Variants in LRP5 observed in about 807,000 individuals in gnomAD.
LRP5 encodes the protein low-density lipoprotein receptor-related protein 5.
LRP5 carries 62 observed loss-of-function variants against 154.1 expected under a neutral mutation model. The ratio of observed to expected loss-of-function variants is 0.40; its 90% CI spans 0.33 to 0.50. LRP5 has a LOEUF of 0.50. Among genes scored for constraint, LRP5 ranks in the 20% least tolerant of loss-of-function variants. The probability of loss-of-function intolerance (pLI) is 0.55; values close to 1 mark genes in which losing one functional copy is unlikely to be tolerated. For synonymous variants in LRP5, 966 were observed against 1,011.5 expected, an observed-to-expected ratio of 0.96 and a Z score of 0.85; for missense variants, 1,915 against 2,336.7, an observed-to-expected ratio of 0.82 and a Z score of 3.72.
chr11:68,414,475 G>A (rs1397490833), intron 12 of LRP5, among the ~76,000 whole-genome samples: 1 of 152,162 alleles, frequency 6.6e-6, no homozygotes, highest in Non-Finnish European at 1.5e-5. Context: ...ACTGTGGCAG[G>A]CTGGCTCAAG....
chr11:68,376,402 C>T (rs957494131), intron 5 of LRP5, among the ~76,000 whole-genome samples: 11 of 152,026 alleles, frequency 7.2e-5, no homozygotes, highest in African/African-American at 2.4e-4. Flanking sequence ...AGGATGGTCT[C>T]GATCTCCTGA....
intron 5 of LRP5, among the ~76,000 whole-genome samples, chr11:68,370,603 G>A (rs1168160156): frequency 6.6e-6 from 1 of 152,220 alleles, no homozygotes; most frequent in Non-Finnish European, 1.5e-5. Context: ...AGGGCCGCAG[G>A]GCTGAGCACG....
intron 4 of LRP5, among the ~76,000 whole-genome samples, chr11:68,365,271 G>A (rs1455564384): frequency 0.062 from 5 of 80 alleles, no homozygotes; most frequent in Non-Finnish European, 0.15. Flanking sequence ...GGAAGCAGAT[G>A]GGGAGATGTC....
At chr11:68,435,525 A>C (rs889652962) in intron 18 of LRP5, among the ~76,000 whole-genome samples, 3 of 151,780 alleles carry the variant, frequency 2.0e-5, no homozygotes, top group Admixed American at 2.0e-4. Context: ...CCTCACCTTG[A>C]GAGGAGATGC....
chr11:68,389,626 A>G (rs1427335193), intron 6 of LRP5, among the ~76,000 whole-genome samples: 1 of 150,182 alleles, frequency 6.7e-6, no homozygotes, highest in East Asian at 2.0e-4. Flanking sequence ...CGACACTGAC[A>G]TTTACTGACA....
intron 1 of LRP5, among the ~76,000 whole-genome samples, chr11:68,345,999 C>A (rs2098612597): frequency 6.6e-6 from 1 of 151,994 alleles, no homozygotes; most frequent in Admixed American, 6.6e-5. Flanking sequence ...AGTTGTTTGC[C>A]CATTTTTGAG....
At chr11:68,334,978 G>A (rs923068377) in intron 1 of LRP5, among the ~76,000 whole-genome samples, 1 of 151,806 alleles carries the variant, frequency 6.6e-6, no homozygotes, top group African/African-American at 2.4e-5. Context: ...CTGAATTATT[G>A]AATACTGAAC....
At chr11:68,327,835 C>T (rs769956468) in intron 1 of LRP5, among the ~76,000 whole-genome samples, 6 of 152,204 alleles carry the variant, frequency 3.9e-5, no homozygotes, top group African/African-American at 1.4e-4. Flanking sequence ...CAGAGCCCCT[C>T]GCACGCTGTC....
intron 2 of LRP5, among the ~76,000 whole-genome samples, chr11:68,357,092 C>T (rs191030515): frequency 5.3e-5 from 8 of 152,182 alleles, no homozygotes; most frequent in Non-Finnish European, 8.8e-5. Context: ...CTCACTACCA[C>T]GCCTGGCTAA....
rs562813626 is a variant in LRP5 at position 68,326,480 on chromosome 11, C to T, written c.91+13675C>T. Among the ~76,000 whole-genome samples the T allele has an allele frequency of 2.0e-5, 3 of 152,396 alleles. No homozygotes were observed. In the East Asian group the frequency reaches 5.8e-4, roughly 29 times the overall value. On this transcript the variant is annotated intron_variant, in intron 1 of 22. Transcript: ENST00000294304. ...GCCTGGGCACCAGGTTCTTCCCCCT[C>T]TGCCCAAGGTCCCTGCCCACCCGTC... is the stretch of plus-strand genomic sequence containing the variant.
chr11:68,313,713 G>A (rs1293851203), intron 1 of LRP5, among the ~76,000 whole-genome samples: 1 of 152,234 alleles, frequency 6.6e-6, no homozygotes, highest in African/African-American at 2.4e-5. Flanking sequence ...TGTTTTTCTG[G>A]AGTATGGCTG....
chr11:68,320,554 C>T (rs755319654), intron 1 of LRP5, among the ~76,000 whole-genome samples: 58 of 151,822 alleles, frequency 3.8e-4, no homozygotes, highest in Non-Finnish European at 7.5e-4. Context: ...CTCTGCCTCC[C>T]GGGTTCCAGC....
At chr11:68,396,282 T>G (rs555247567) in intron 7 of LRP5, among the ~76,000 whole-genome samples, 56 of 152,076 alleles carry the variant, frequency 3.7e-4, no homozygotes, top group Non-Finnish European at 6.8e-4. Flanking sequence ...GGCAACAAGG[T>G]GGCCAACCCA....
Position 68,447,813 on chromosome 11 carries a change from A to G in LRP5, c.4587-996A>G, listed in dbSNP as rs1226145601. ...GGCTCCTAAACACACCACAGTTCCG[A>G]GTCTGAACTCACACAGTGGGATGCG... On this transcript the variant is annotated intron_variant, in intron 22 of 22. Transcript: ENST00000294304. The surrounding 1 kb of genome is among the most constrained non-coding windows in gnomAD (Gnocchi z 4.3). 1.3e-5 allele frequency among the ~76,000 whole-genome samples: 2 copies of G among 152,010 alleles called. No homozygotes were observed. Among genetic ancestry groups the G allele is most frequent in the African/African-American group, 4.8e-5 (2 of 41,366 alleles).
intron 6 of LRP5, among the ~76,000 whole-genome samples, chr11:68,388,043 C>T (rs180708276): frequency 1.6e-4 from 24 of 152,022 alleles, no homozygotes; most frequent in African/African-American, 4.8e-4. Context: ...CAGCAGGCAG[C>T]GGGAGTGCAG....
At chr11:68,365,067 G>A (rs2098630188) in intron 4 of LRP5, among the ~76,000 whole-genome samples, 1 of 152,140 alleles carries the variant, frequency 6.6e-6, no homozygotes, top group Non-Finnish European at 1.5e-5. Flanking sequence ...GGAAGCTGCT[G>A]GGTCCACACA....
chr11:68,379,830 AT>A (rs2098639319), intron 5 of LRP5, among the ~76,000 whole-genome samples: 1 of 151,744 alleles, frequency 6.6e-6, no homozygotes, highest in Non-Finnish European at 1.5e-5. Flanking sequence ...TTTCTTTCTG[AT>A]ATTATAAAAG....
rs185827321 is a variant in LRP5 at position 68,438,796 on chromosome 11, A to G, written c.4348+114A>G. 4,862 of 870,422 alleles carry G rather than the reference A, an allele frequency of 5.6e-3. 23 individuals carry two copies. Among genetic ancestry groups the G allele is most frequent in the Non-Finnish European group, 7.7e-3 (4,288 of 558,508 alleles). The allele number at this position is 870,422 out of a possible 1,614,324, so 53.9% of individuals were successfully genotyped here. Reference sequence around the variant, plus strand: ...AGGCCCTCTTGCACATGTGGCAGACATTGCTAATCGATCACAGCATTCAGC... The same window carrying G: ...AGGCCCTCTTGCACATGTGGCAGACGTTGCTAATCGATCACAGCATTCAGC... On this transcript the variant is annotated intron_variant, in intron 20 of 22. Transcript: ENST00000294304.
At chr11:68,348,770 C>G (rs2098615869) in intron 2 of LRP5, among the ~76,000 whole-genome samples, 1 of 152,230 alleles carries the variant, frequency 6.6e-6, no homozygotes, top group East Asian at 1.9e-4. Context: ...ATGGTGAGAC[C>G]CCATTTCTAC....
Sources: gnomAD v4.1 joint callset for allele counts (sites outside exome capture counted in the v4.1 genomes callset) on GRCh38, gnomAD v4.1.1 for gene constraint, Gnocchi (gnomAD v3.1) non-coding constraint, MANE v1.5 for transcripts, NCBI Gene and HGNC (gene_info 2026-07-23, HGNC 2026-07-21) for gene names.